Variants in CREB5 observed in about 807,000 individuals in gnomAD.
CREB5 encodes the protein cAMP responsive element binding protein 5.
Under a neutral mutation model 57.1 loss-of-function variants are expected in CREB5, and 19 were observed. The ratio of observed to expected loss-of-function variants is 0.33; its 90% CI spans 0.23 to 0.49. The LOEUF (loss-of-function observed/expected upper bound fraction) is 0.49, where lower values mean the gene tolerates loss of function less well. Ranked by LOEUF, CREB5 falls within the 20% of genes least tolerant of loss-of-function variation. The pLI is 0.99. For missense variants in CREB5, 579 were observed against 671.6 expected, an observed-to-expected ratio of 0.86 and a Z score of 1.52; for synonymous variants, 238 against 238.3, an observed-to-expected ratio of 1.00 and a Z score of 0.01.
At chr7:28,426,956 C>G (rs1389665463) in intron 1 of CREB5, among the ~76,000 whole-genome samples, 5 of 152,178 alleles carry the variant, frequency 3.3e-5, no homozygotes, top group African/African-American at 1.2e-4. Flanking sequence ...TTCCTAGAAT[C>G]AGCATGAGAT....
At chr7:28,379,546 AG>A (rs1786916670) in intron 1 of CREB5, among the ~76,000 whole-genome samples, 1 of 152,252 alleles carries the variant, frequency 6.6e-6, no homozygotes, top group Non-Finnish European at 1.5e-5. Context: ...TTGTGGAGAA[AG>A]CCAAGGCTCT....
At chr7:28,552,214 A>G (rs912936785) in intron 4 of CREB5, among the ~76,000 whole-genome samples, 1 of 151,882 alleles carries the variant, frequency 6.6e-6, no homozygotes, top group African/African-American at 2.4e-5. Flanking sequence ...ATTTTTGTAT[A>G]TTTTGTAGAG....
chr7:28,382,661 G>A (rs185298752), intron 1 of CREB5, among the ~76,000 whole-genome samples: 18 of 151,818 alleles, frequency 1.2e-4, no homozygotes, highest in African/African-American at 1.7e-4. Flanking sequence ...GTATCGATCC[G>A]TCAGCCCCGG....
intron 1 of CREB5, among the ~76,000 whole-genome samples, chr7:28,471,251 A>G (rs2128582444): frequency 6.6e-6 from 1 of 152,322 alleles, no homozygotes; most frequent in African/African-American, 2.4e-5. Context: ...ATTTTTACAT[A>G]TGATGAGAGA....
intron 1 of CREB5, among the ~76,000 whole-genome samples, chr7:28,439,329 A>G (rs1393729026): frequency 6.6e-6 from 1 of 152,164 alleles, no homozygotes; most frequent in East Asian, 1.9e-4. Context: ...CTCTCCATGT[A>G]TACTTTGTGA....
At chr7:28,681,394 G>A (rs1415634011) in intron 5 of CREB5, among the ~76,000 whole-genome samples, 1 of 152,052 alleles carries the variant, frequency 6.6e-6, no homozygotes, top group Non-Finnish European at 1.5e-5. Context: ...ATTAGAGACA[G>A]AATCTTGCTC....
At chr7:28,355,417 T>A (rs1229495405) in intron 1 of CREB5, among the ~76,000 whole-genome samples, 1 of 152,190 alleles carries the variant, frequency 6.6e-6, no homozygotes, top group Non-Finnish European at 1.5e-5. Context: ...TCATGAAATT[T>A]TTTTATTACA....
chr7:28,525,568 CTGA>C (rs1187093322), intron 4 of CREB5, among the ~76,000 whole-genome samples: 3 of 151,880 alleles, frequency 2.0e-5, no homozygotes, highest in African/African-American at 7.3e-5. Context: ...TTGCGTTACC[CTGA>C]TGATTAGTGA....
At chr7:28,384,938 T>C (rs1020985056) in intron 1 of CREB5, among the ~76,000 whole-genome samples, 1 of 152,208 alleles carries the variant, frequency 6.6e-6, no homozygotes, top group African/African-American at 2.4e-5. Flanking sequence ...AGTCCAGAGA[T>C]GTTTAATATT....
chr7:28,553,058 A>T (rs1041754918), intron 4 of CREB5, among the ~76,000 whole-genome samples: 12 of 152,208 alleles, frequency 7.9e-5, no homozygotes, highest in African/African-American at 2.9e-4. Context: ...AAGGTGGGCT[A>T]CTTAGGTCTT....
intron 1 of CREB5, among the ~76,000 whole-genome samples, chr7:28,416,238 G>T (rs886646820): frequency 6.6e-6 from 1 of 152,110 alleles, no homozygotes; most frequent in Non-Finnish European, 1.5e-5. Context: ...ACACTGAGGA[G>T]CTCCTGTGTT....
rs1443960015 is a variant in CREB5 at position 28,560,841 on chromosome 7, TGTGC to T, written c.292-9522_292-9519del. Among the ~76,000 whole-genome samples, 40 of 75,098 alleles carry T rather than the reference TGTGC, an allele frequency of 5.3e-4. 6 individuals carry two copies. The highest frequency in any genetic ancestry group is 1.7e-3 in the East Asian group (4 of 2,300). 49.3% of individuals were successfully genotyped at this position (75,098 alleles called of 152,430 possible). A position where few individuals can be genotyped will look rare whatever the true frequency, so the allele number is the denominator to read the frequency against. ...GTGTGTGCGCGCGCGCGCGTGTGTG[TGTGC>T]GCGTGTGTGTGTGCGTGTGCCTGCG... On this transcript the variant is annotated intron_variant, in intron 4 of 10. Coordinates refer to ENST00000357727, the MANE Select transcript of CREB5 (RefSeq NM_182898.4).
intron 7 of CREB5, among the ~76,000 whole-genome samples, chr7:28,738,000 T>C (rs1043694105): frequency 1.3e-5 from 2 of 152,180 alleles, no homozygotes; most frequent in African/African-American, 4.8e-5. Flanking sequence ...TGTTTTATGG[T>C]TTGTTAGTTC....
intron 5 of CREB5, among the ~76,000 whole-genome samples, chr7:28,714,809 C>T (rs1256103781): frequency 3.3e-5 from 5 of 152,186 alleles, no homozygotes; most frequent in Admixed American, 6.5e-5. Context: ...ATTGAACAAT[C>T]CAACATGAGC....
intron 1 of CREB5, among the ~76,000 whole-genome samples, chr7:28,481,846 CAA>C (rs905042600): frequency 1.2e-4 from 18 of 152,008 alleles, no homozygotes; most frequent in African/African-American, 4.1e-4. Context: ...AATAGACATG[CAA>C]AGAGACAGAG....
chr7:28,419,950 A>T (rs1216166089), intron 1 of CREB5, among the ~76,000 whole-genome samples: 1 of 152,222 alleles, frequency 6.6e-6, no homozygotes, highest in African/African-American at 2.4e-5. Context: ...ATGAGGGTGC[A>T]GTGTTTTGGC....
intron 5 of CREB5, among the ~76,000 whole-genome samples, chr7:28,689,735 T>C (rs1801151127): frequency 6.6e-6 from 1 of 152,160 alleles, no homozygotes; most frequent in Admixed American, 6.5e-5. Flanking sequence ...CAAGTAGTCA[T>C]GCAATCTTTG....
intron 1 of CREB5, among the ~76,000 whole-genome samples, chr7:28,341,792 AC>A (rs1440269566): frequency 6.6e-6 from 1 of 152,196 alleles, no homozygotes; most frequent in Non-Finnish European, 1.5e-5. Context: ...CTCATTTATC[AC>A]TTATTCAATA....
chr7:28,403,205 T>G (rs1787511205), intron 1 of CREB5, among the ~76,000 whole-genome samples: 1 of 152,172 alleles, frequency 6.6e-6, no homozygotes, highest in African/African-American at 2.4e-5. Context: ...ACCATCTCCT[T>G]CAAATACAGC....
Sources: gnomAD v4.1 joint callset for allele counts (sites outside exome capture counted in the v4.1 genomes callset) on GRCh38, gnomAD v4.1.1 for gene constraint, MANE v1.5 for transcripts, NCBI Gene and HGNC (gene_info 2026-07-23, HGNC 2026-07-21) for gene names.